TENM2: variants seen among roughly 807,000 people sequenced by gnomAD.
The protein encoded by TENM2 is teneurin-2.
A neutral mutation model predicts 245.2 loss-of-function variants in TENM2; 52 were observed. The ratio of observed to expected loss-of-function variants is 0.21; its 90% CI spans 0.17 to 0.27. The LOEUF (loss-of-function observed/expected upper bound fraction) is 0.27, where lower values mean the gene tolerates loss of function less well. TENM2 is among the 10% of genes least tolerant of loss of function. The probability of loss-of-function intolerance (pLI) is 1.00; values close to 1 mark genes in which losing one functional copy is unlikely to be tolerated. For synonymous variants in TENM2, 1,363 were observed against 1,438.9 expected (o/e 0.95, Z 1.19); for missense variants, 3,046 against 3,666.8 (o/e 0.83, Z 4.37).
At chr5:167,277,093 T>C in the TENM2 span, among the ~76,000 whole-genome samples, 1 of 152,166 alleles carries the variant, frequency 6.6e-6, no homozygotes, top group East Asian at 1.9e-4. Flanking sequence ...GTTGTTTTTC[T>C]GTTTTCAGTT....
intron 3 of TENM2, among the ~76,000 whole-genome samples, chr5:167,896,218 C>A (rs1775208059): frequency 2.0e-5 from 3 of 152,136 alleles, no homozygotes. Flanking sequence ...CAGTAGTCAG[C>A]TGGGGTGGAG....
At chr5:168,128,221 C>A (rs2152364795) in intron 12 of TENM2, among the ~76,000 whole-genome samples, 1 of 152,304 alleles carries the variant, frequency 6.6e-6, no homozygotes, top group African/African-American at 2.4e-5. Flanking sequence ...CGATGACGCT[C>A]CAGGTCTTGC....
At chr5:167,046,862 C>A in the TENM2 span, among the ~76,000 whole-genome samples, 5 of 151,990 alleles carry the variant, frequency 3.3e-5, no homozygotes, top group Admixed American at 3.3e-4. Context: ...CTTAGCCCCC[C>A]ACCCCCCGAC....
At chr5:167,020,402 A>G in the TENM2 span, among the ~76,000 whole-genome samples, 1 of 152,220 alleles carries the variant, frequency 6.6e-6, no homozygotes, top group African/African-American at 2.4e-5. Context: ...GTTTGCAGAT[A>G]TGGATTCCCT....
the TENM2 span, among the ~76,000 whole-genome samples, chr5:167,196,730 A>G: frequency 6.6e-6 from 1 of 152,112 alleles, no homozygotes; most frequent in East Asian, 1.9e-4. Flanking sequence ...ACACAAAGTT[A>G]AAAATAAAAT....
At chr5:167,816,150 C>T (rs1767040205) in intron 2 of TENM2, among the ~76,000 whole-genome samples, 1 of 152,054 alleles carries the variant, frequency 6.6e-6, no homozygotes, top group African/African-American at 2.4e-5. Flanking sequence ...CATTATCAAT[C>T]ATGAAGGATC....
At chr5:168,074,121 A>C (rs1434932045) in intron 7 of TENM2, among the ~76,000 whole-genome samples, 2 of 152,168 alleles carry the variant, frequency 1.3e-5, no homozygotes, top group Admixed American at 6.5e-5. Flanking sequence ...GAATGTGCCA[A>C]ATATTCATAG....
At chr5:167,248,674 T>C in the TENM2 span, among the ~76,000 whole-genome samples, 1 of 152,002 alleles carries the variant, frequency 6.6e-6, no homozygotes, top group African/African-American at 2.4e-5. Context: ...TTGCAAACAA[T>C]TTCAGCATTG....
chr5:167,989,313 G>C (rs1349646393), intron 4 of TENM2, among the ~76,000 whole-genome samples: 1 of 149,542 alleles, frequency 6.7e-6, no homozygotes, highest in Admixed American at 6.6e-5. Flanking sequence ...AGATAGATTT[G>C]TGAGTGCACA....
intron 7 of TENM2, among the ~76,000 whole-genome samples, chr5:168,080,064 C>T (rs936816912): frequency 1.4e-4 from 22 of 152,188 alleles, no homozygotes; most frequent in African/African-American, 4.6e-4. Flanking sequence ...TGGTCCTAGA[C>T]TTTTTTTGGT....
chr5:168,204,353 C>T lies in TENM2; in HGVS notation c.3575-19C>T. 1 of 1,606,750 alleles carries T rather than the reference C, an allele frequency of 6.2e-7. No individual in the cohort carries two copies. The highest frequency in any genetic ancestry group is 8.5e-7 in the Non-Finnish European group (1 of 1,174,758). On this transcript the variant is annotated intron_variant, in intron 18 of 28. Coordinates refer to ENST00000518659, the Ensembl canonical transcript of TENM2. Reference sequence around the variant, plus strand: ...CCCAGAGGGCTTCAGTAACCCCTCCCATTCTCCAACCCCCACAGGAATCCT... The same window carrying T: ...CCCAGAGGGCTTCAGTAACCCCTCCTATTCTCCAACCCCCACAGGAATCCT...
intron 6 of TENM2, among the ~76,000 whole-genome samples, chr5:168,049,452 A>G (rs1788888506): frequency 1.3e-5 from 2 of 152,200 alleles, no homozygotes; most frequent in Admixed American, 6.5e-5. Context: ...TTATATGCCA[A>G]TGCTTTTCGA....
In TENM2 at chr5:167,971,430, G is replaced by A. The variant is rs78690521; in HGVS notation, c.947+18608G>A. On this transcript the variant is annotated intron_variant, in intron 4 of 28. Transcript: ENST00000518659. The stretch of plus-strand genomic sequence containing the variant: ...AAACAACTGAGCCCAGCTGGACGCG[G>A]TGCCTCACACCTGTAATCCCAGAAC... Among the ~76,000 whole-genome samples, 192 of 152,256 alleles carry A rather than the reference G, an allele frequency of 1.3e-3. 2 individuals carry two copies. The East Asian group carries it at 0.029, about 23-fold the overall frequency.
At chr5:167,412,123 C>A (rs1305220298) in intron 2 of TENM2, among the ~76,000 whole-genome samples, 2 of 152,050 alleles carry the variant, frequency 1.3e-5, no homozygotes, top group Non-Finnish European at 2.9e-5. Context: ...TCTAGCAGAC[C>A]ACCAGGATCC....
chr5:167,046,778 G>A, the TENM2 span, among the ~76,000 whole-genome samples: 1 of 152,096 alleles, frequency 6.6e-6, no homozygotes, highest in Non-Finnish European at 1.5e-5. Flanking sequence ...ATGGTGGTTT[G>A]CTGCACCCAT....
At chr5:167,188,253 A>C in the TENM2 span, among the ~76,000 whole-genome samples, 2 of 152,164 alleles carry the variant, frequency 1.3e-5, no homozygotes, top group Admixed American at 1.3e-4. Context: ...TGGAGATTGA[A>C]ATAGCCTCTC....
At chr5:167,014,225 G>T in the TENM2 span, among the ~76,000 whole-genome samples, 1 of 140,340 alleles carries the variant, frequency 7.1e-6, no homozygotes, top group Non-Finnish European at 1.5e-5. Context: ...TAGTGTCAAA[G>T]AATTAGAAAT....
At chr5:167,860,246 T>G (rs1254867648) in intron 2 of TENM2, among the ~76,000 whole-genome samples, 36 of 59,980 alleles carry the variant, frequency 6.0e-4, no homozygotes, top group Admixed American at 1.9e-3. Flanking sequence ...TGGGGGGGGG[T>G]CAGCCCCCCC....
At chr5:167,970,863 A>G (rs1781724771) in intron 4 of TENM2, among the ~76,000 whole-genome samples, 1 of 150,306 alleles carries the variant, frequency 6.7e-6, no homozygotes, top group Admixed American at 6.6e-5. Flanking sequence ...AGGGTGGCAC[A>G]CATGCATTTA....
Sources: allele counts gnomAD v4.1 joint callset (sites outside exome capture counted in the v4.1 genomes callset), GRCh38; gene constraint gnomAD v4.1.1; transcripts MANE v1.5; gene names NCBI Gene and HGNC (gene_info 2026-07-23, HGNC 2026-07-21).